The following TTC7A variants were observed in gnomAD, a reference collection of about 807,000 sequenced individuals.
TTC7A encodes the protein tetratricopeptide repeat protein 7A.
A neutral mutation model predicts 103.7 loss-of-function variants in TTC7A; 110 were observed. That is an observed-to-expected ratio of 1.06 (90% CI 0.91 to 1.24). The LOEUF (loss-of-function observed/expected upper bound fraction) is 1.24. Ranked by LOEUF, TTC7A falls within the 50% of genes most tolerant of loss-of-function variation. The pLI is 0.00. For synonymous variants in TTC7A, 521 were observed against 467.9 expected, an observed-to-expected ratio of 1.11 and a Z score of -1.47; for missense variants, 1,340 against 1,116.3, an observed-to-expected ratio of 1.20 and a Z score of -2.86.
intron 15 of TTC7A, among the ~76,000 whole-genome samples, chr2:47,030,200 T>G (rs369258549): frequency 6.7e-4 from 102 of 152,226 alleles, no homozygotes; most frequent in African/African-American, 2.4e-3. Context: ...CCCAAGGCTG[T>G]CCCCCTGCAG....
chr2:46,974,934 C>T (rs377681630), intron 3 of TTC7A, 39 bp from the exon 4 acceptor site: 97 of 1,602,568 alleles, frequency 6.1e-5, no homozygotes, highest in South Asian at 3.6e-4. Flanking sequence ...TCAGGGGGCC[C>T]GAGCAGGACA....
At chr2:46,964,481 G>T (rs1239989139) in intron 3 of TTC7A, among the ~76,000 whole-genome samples, 1 of 152,116 alleles carries the variant, frequency 6.6e-6, no homozygotes, top group Non-Finnish European at 1.5e-5. Context: ...TTGGCTGTGG[G>T]TCACCACACC....
chr2:47,006,620 C>G, intron 9 of TTC7A, 21 bp from the exon 10 acceptor site: 1 of 1,608,226 alleles, frequency 6.2e-7, no homozygotes, highest in Non-Finnish European at 8.5e-7. Flanking sequence ...TGGGTAAATG[C>G]TGACTATCTC....
chr2:47,056,723 T>G (rs1683349693), intron 18 of TTC7A, among the ~76,000 whole-genome samples: 4 of 149,190 alleles, frequency 2.7e-5, no homozygotes, highest in Admixed American at 6.7e-5. Context: ...GGAGAGGGGG[T>G]GGAGAGAGAT....
chr2:47,073,351 C>T (rs1041397035), intron 19 of TTC7A, among the ~76,000 whole-genome samples: 2 of 152,160 alleles, frequency 1.3e-5, no homozygotes, highest in Non-Finnish European at 2.9e-5. Flanking sequence ...TGATTTTTCC[C>T]ATTTACAGAT....
intron 15 of TTC7A, among the ~76,000 whole-genome samples, chr2:47,044,105 C>T (rs1177967361): frequency 6.6e-6 from 1 of 152,194 alleles, no homozygotes; most frequent in Non-Finnish European, 1.5e-5. Context: ...TCCCACCTCA[C>T]TGACACCTGC....
intron 19 of TTC7A, chr2:47,068,483 G>C (rs1340591623): frequency 6.6e-6 from 1 of 152,186 alleles, no homozygotes; most frequent in Admixed American, 6.5e-5. Context: ...TCTTGGCTCT[G>C]TGACCTCTGA....
intron 14 of TTC7A, among the ~76,000 whole-genome samples, chr2:47,026,597 G>T (rs1679942880): frequency 6.6e-6 from 1 of 152,206 alleles, no homozygotes; most frequent in Non-Finnish European, 1.5e-5. Context: ...CGCTGACATG[G>T]AGTCAGTCAC....
At chr2:46,982,983 TAAATA>T in intron 5 of TTC7A, among the ~76,000 whole-genome samples, 1 of 151,596 alleles carries the variant, frequency 6.6e-6, no homozygotes, top group South Asian at 2.1e-4. Context: ...AATAAATAAA[TAAATA>T]AAATAAAAAT....
At chr2:47,024,093 C>T (rs1465365940) in intron 13 of TTC7A, among the ~76,000 whole-genome samples, 194 bp from the exon 14 acceptor site, 1 of 152,204 alleles carries the variant, frequency 6.6e-6, no homozygotes, top group East Asian at 1.9e-4. Flanking sequence ...ACCGTCCCTG[C>T]CTTGGGCTGC....
intron 4 of TTC7A, chr2:46,978,239 T>C (rs1674066044): frequency 6.5e-6 from 1 of 153,462 alleles, no homozygotes; most frequent in Non-Finnish European, 1.4e-5. Context: ...GAAGTCCTCC[T>C]GCAGTAGAGG....
At chr2:47,068,778 C>T (rs1359433645) in intron 19 of TTC7A, among the ~76,000 whole-genome samples, 1 of 150,724 alleles carries the variant, frequency 6.6e-6, no homozygotes, top group African/African-American at 2.4e-5. Context: ...CATCACCAAC[C>T]CTGATGAGGA....
chr2:47,056,061 C>T (rs1193609732), intron 18 of TTC7A, among the ~76,000 whole-genome samples: 1 of 152,094 alleles, frequency 6.6e-6, no homozygotes, highest in Non-Finnish European at 1.5e-5. Flanking sequence ...CAGGCCCATG[C>T]AGCCCCTGAC....
intron 15 of TTC7A, among the ~76,000 whole-genome samples, chr2:47,038,258 C>CAA (rs60342421): frequency 3.1e-5 from 4 of 128,338 alleles, no homozygotes; most frequent in Non-Finnish European, 5.1e-5. Flanking sequence ...GACTCCATCT[C>CAA]AAAAAAAAAA....
At chr2:47,054,208 A>T in intron 18 of TTC7A, 1 of 978,722 alleles carries the variant, frequency 1.0e-6, no homozygotes, top group Non-Finnish European at 1.2e-6. Context: ...AGCAGATCCA[A>T]AATAGCAGTG....
At chr2:46,977,664 T>C (rs750621910) in intron 4 of TTC7A, among the ~76,000 whole-genome samples, 15 of 152,202 alleles carry the variant, frequency 9.9e-5, no homozygotes, top group African/African-American at 2.2e-4. Context: ...TAGAAATAGC[T>C]TGGAATCCAT....
intron 8 of TTC7A, among the ~76,000 whole-genome samples, chr2:47,001,591 T>C (rs1227099823): frequency 6.6e-6 from 1 of 152,172 alleles, no homozygotes; most frequent in Non-Finnish European, 1.5e-5. Context: ...GAGCGGTGGC[T>C]CACGCCTGTA....
chr2:46,996,864 G>A (rs756138172), intron 8 of TTC7A, among the ~76,000 whole-genome samples: 1 of 152,174 alleles, frequency 6.6e-6, no homozygotes, highest in African/African-American at 2.4e-5. Context: ...CCCAGATGCA[G>A]ACCAGTATTC....
At chr2:46,915,907 T>A (rs1047038557), upstream of TTC7A, 1 of 983,606 alleles carries the variant, frequency 1.0e-6, no homozygotes, top group African/African-American at 1.8e-5. Context: ...CGGCGGGCTG[T>A]GAGGACGGCT....
Sources: gnomAD v4.1 joint callset for allele counts (sites outside exome capture counted in the v4.1 genomes callset) on GRCh38, gnomAD v4.1.1 for gene constraint, MANE v1.5 for transcripts, NCBI Gene and HGNC (gene_info 2026-07-23, HGNC 2026-07-21) for gene names.